Variants in ZBTB2 observed in about 807,000 individuals in gnomAD.
ZBTB2 encodes zinc finger and BTB domain-containing protein 2.
In ZBTB2, 2 loss-of-function variants were observed where a neutral mutation model predicts 39.5. The ratio of observed to expected loss-of-function variants is 0.05; its 90% CI spans 0.02 to 0.16. The LOEUF is 0.16. Ranked by LOEUF, ZBTB2 falls within the 10% of genes least tolerant of loss-of-function variation. The probability of loss-of-function intolerance (pLI) is 1.00; values close to 1 mark genes in which losing one functional copy is unlikely to be tolerated. For missense variants in ZBTB2, 391 were observed against 653.0 expected, an observed-to-expected ratio of 0.60 and a Z score of 4.37; for synonymous variants, 251 against 256.6, an observed-to-expected ratio of 0.98 and a Z score of 0.21.
At chr6:151,367,626 G>T (rs1465750045) in intron 2 of ZBTB2, among the ~76,000 whole-genome samples, 1 of 152,188 alleles carries the variant, frequency 6.6e-6, no homozygotes, top group African/African-American at 2.4e-5. Flanking sequence ...AAGAGGTGGA[G>T]CTGGTATTTG....
At chr6:151,371,006 A>G (rs531001618) in intron 2 of ZBTB2, among the ~76,000 whole-genome samples, 1 of 152,330 alleles carries the variant, frequency 6.6e-6, no homozygotes, top group African/African-American at 2.4e-5. Context: ...CTCATTACGT[A>G]GTATTTTTGC....
chr6:151,381,341 T>G (rs953891152), intron 1 of ZBTB2, among the ~76,000 whole-genome samples: 2 of 151,896 alleles, frequency 1.3e-5, no homozygotes, highest in Non-Finnish European at 2.9e-5. Flanking sequence ...GCCAACATGG[T>G]GAAACCCCGT....
At chr6:151,387,968 ATTAT>A (rs757607504) in intron 1 of ZBTB2, among the ~76,000 whole-genome samples, 6 of 152,198 alleles carry the variant, frequency 3.9e-5, no homozygotes, top group Non-Finnish European at 7.3e-5. Context: ...TAATATTTTA[ATTAT>A]TTAATAGTTT....
At chr6:151,382,958 CT>C (rs951103108) in intron 1 of ZBTB2, among the ~76,000 whole-genome samples, 2 of 149,248 alleles carry the variant, frequency 1.3e-5, no homozygotes, top group Non-Finnish European at 3.0e-5. Context: ...TTGAGTCTCA[CT>C]CTGTTGCTCT....
intron 1 of ZBTB2, among the ~76,000 whole-genome samples, chr6:151,389,792 G>A (rs1174811970): frequency 6.6e-6 from 1 of 152,106 alleles, no homozygotes; most frequent in Non-Finnish European, 1.5e-5. Context: ...AGTAAAAGGC[G>A]TAGCTGCAGC....
intron 1 of ZBTB2, among the ~76,000 whole-genome samples, chr6:151,382,925 T>C (rs1348307537): frequency 6.6e-6 from 1 of 151,720 alleles, no homozygotes; most frequent in Non-Finnish European, 1.5e-5. Flanking sequence ...AAGTTGTATC[T>C]AATTTTTTTT....
At chr6:151,388,760 G>A (rs1779219873) in intron 1 of ZBTB2, among the ~76,000 whole-genome samples, 1 of 152,218 alleles carries the variant, frequency 6.6e-6, no homozygotes, top group African/African-American at 2.4e-5. Flanking sequence ...AGATATAAAA[G>A]CAGGTGTCAC....
At chr6:151,379,400 G>A (rs1778983638) in intron 1 of ZBTB2, among the ~76,000 whole-genome samples, 1 of 151,972 alleles carries the variant, frequency 6.6e-6, no homozygotes, top group African/African-American at 2.4e-5. Context: ...TAGCACTTGG[G>A]GAGGCCAAGG....
chr6:151,384,729 G>A (rs1779116697), intron 1 of ZBTB2, among the ~76,000 whole-genome samples: 1 of 152,218 alleles, frequency 6.6e-6, no homozygotes, highest in South Asian at 2.1e-4. Flanking sequence ...AAGTGGAGAT[G>A]CAGAGTATAT....
At chr6:151,381,922 A>T (rs1371043751) in intron 1 of ZBTB2, among the ~76,000 whole-genome samples, 1 of 152,224 alleles carries the variant, frequency 6.6e-6, no homozygotes, top group African/African-American at 2.4e-5. Context: ...CTTGCTTAAC[A>T]ACAGAGATAC....
At position 151,365,580 on chromosome 6, in the gene ZBTB2, G is replaced by A; in HGVS notation, c.1486C>T (p.Pro496Ser). 6.2e-7 allele frequency: 1 copy of A among 1,614,210 alleles called. No homozygotes were observed. Among genetic ancestry groups the A allele is most frequent in the South Asian group, 1.1e-5 (1 of 91,086 alleles). ...ATGGAAGCTAACACTGGGTGGTCAG[G>A]CTCCGTTACTTCCGAGTCCCCACTG... is the stretch of plus-strand genomic sequence containing the variant. ...LGSGDSEVTE[P>S]DHPVLASIKK... The change falls in exon 3 of 3, where the codon CCT (proline) becomes TCT (serine). Residue 496 changes from proline to serine, a missense_variant. Coordinates refer to ENST00000325144, the MANE Select transcript of ZBTB2 (RefSeq NM_020861.3). The surrounding 1 kb of genome is among the most constrained non-coding windows in gnomAD (Gnocchi z 5.6).
chr6:151,391,129 G>A (rs1287428664), intron 1 of ZBTB2, among the ~76,000 whole-genome samples: 1 of 149,842 alleles, frequency 6.7e-6, no homozygotes, highest in Non-Finnish European at 1.5e-5. Flanking sequence ...GGCTCCGGGG[G>A]ATGGTTTTGT....
chr6:151,382,025 G>T (rs1779044057), intron 1 of ZBTB2, among the ~76,000 whole-genome samples: 1 of 152,058 alleles, frequency 6.6e-6, no homozygotes, highest in African/African-American at 2.4e-5. Flanking sequence ...TACTACACAG[G>T]CCTAGGCTAT....
chr6:151,385,135 A>T (rs1779125111), intron 1 of ZBTB2, among the ~76,000 whole-genome samples: 1 of 152,222 alleles, frequency 6.6e-6, no homozygotes, highest in Admixed American at 6.5e-5. Context: ...CACAGGAGAG[A>T]GGAGGCAGTG....
Position 151,366,107 on chromosome 6 carries a change from A to T in ZBTB2, c.959T>A (p.Leu320Gln). ...GATGGGAGAATCAGAGATGTGCTGCAGCTCACTGTCACTTATCATCCCGGC... is the reference window on the plus strand; with the variant it reads ...GATGGGAGAATCAGAGATGTGCTGCTGCTCACTGTCACTTATCATCCCGGC... ...PEAGMISDSE[L>Q]QHISDSPIID... The change falls in exon 3 of 3, where the codon CTG becomes CAG. Residue 320 changes from leucine (L) to glutamine (Q), a missense_variant. Around this residue, in one of 7 missense-constraint regions of ZBTB2, gnomAD observed 80 missense variants for 125.2 expected, o/e 0.64. Transcript: ENST00000325144. This position sits in a 1 kb window ranked among gnomAD's most constrained non-coding sequence, Gnocchi z 7.1. The T allele has an allele frequency of 1.2e-6, 2 of 1,614,156 alleles. No individual in the cohort carries two copies. Among genetic ancestry groups the T allele is most frequent in the Non-Finnish European group, 1.7e-6 (2 of 1,180,030 alleles).
At chr6:151,382,546 C>CGCCT (rs1779058727) in intron 1 of ZBTB2, among the ~76,000 whole-genome samples, 1 of 136,830 alleles carries the variant, frequency 7.3e-6, no homozygotes, top group Non-Finnish European at 1.6e-5. Flanking sequence ...TGAGCCACTG[C>CGCCT]GCCTGGTCTT....
intron 2 of ZBTB2, among the ~76,000 whole-genome samples, chr6:151,367,207 G>A (rs1778670455): frequency 6.6e-6 from 1 of 151,076 alleles, no homozygotes; most frequent in South Asian, 2.1e-4. Context: ...TGCAAGCTCC[G>A]CCTCCCAGGT....
At chr6:151,374,002 A>G (rs1778847509) in intron 1 of ZBTB2, among the ~76,000 whole-genome samples, 1 of 152,250 alleles carries the variant, frequency 6.6e-6, no homozygotes, top group South Asian at 2.1e-4. Flanking sequence ...TCCTGGAGAC[A>G]GACAGCAAAT....
chr6:151,390,446 G>C (rs570440854), intron 1 of ZBTB2, among the ~76,000 whole-genome samples: 29 of 149,810 alleles, frequency 1.9e-4, no homozygotes, highest in African/African-American at 5.6e-4. Flanking sequence ...CCGCGTGCGC[G>C]CGCGCGCTCG....
Sources: allele counts gnomAD v4.1 joint callset (sites outside exome capture counted in the v4.1 genomes callset), GRCh38; gene constraint gnomAD v4.1.1; regional missense constraint gnomAD v4.1.1; non-coding constraint Gnocchi (gnomAD v3.1); transcripts MANE v1.5; gene names NCBI Gene and HGNC (gene_info 2026-07-23, HGNC 2026-07-21).